The following SH3GL2 variants were observed in gnomAD, a reference collection of about 807,000 sequenced individuals.
SH3GL2 encodes the protein endophilin-A1.
SH3GL2 carries 24 observed loss-of-function variants against 46.0 expected under a neutral mutation model. The ratio of observed to expected loss-of-function variants is 0.52; its 90% CI spans 0.38 to 0.73. SH3GL2 has a LOEUF of 0.73. Among genes scored for constraint, SH3GL2 ranks in the 30% least tolerant of loss-of-function variants. SH3GL2 has a pLI of 0.00. For synonymous variants in SH3GL2, 196 were observed against 147.1 expected, an observed-to-expected ratio of 1.33 and a Z score of -2.40; for missense variants, 413 against 424.2, an observed-to-expected ratio of 0.97 and a Z score of 0.23.
intron 3 of SH3GL2, among the ~76,000 whole-genome samples, chr9:17,786,150 A>T (rs939012144): frequency 6.6e-6 from 1 of 152,140 alleles, no homozygotes; most frequent in Non-Finnish European, 1.5e-5. Flanking sequence ...TTCATCCAGA[A>T]CAGAATTGCT....
At chr9:17,682,061 A>G (rs1305194206) in intron 1 of SH3GL2, among the ~76,000 whole-genome samples, 2 of 152,170 alleles carry the variant, frequency 1.3e-5, no homozygotes, top group Non-Finnish European at 2.9e-5. Context: ...AAGTCAAGAA[A>G]CAATAGATGT....
At chr9:17,636,734 C>A (rs1196559943) in intron 1 of SH3GL2, among the ~76,000 whole-genome samples, 1 of 152,130 alleles carries the variant, frequency 6.6e-6, no homozygotes, top group Non-Finnish European at 1.5e-5. Flanking sequence ...TAATTCAAAT[C>A]TTGTTACTCT....
At chr9:17,690,000 GAATT>G (rs1345030350) in intron 1 of SH3GL2, among the ~76,000 whole-genome samples, 1 of 152,094 alleles carries the variant, frequency 6.6e-6, no homozygotes, top group Non-Finnish European at 1.5e-5. Context: ...GTGAATGAAA[GAATT>G]CTCAAATTGT....
intron 3 of SH3GL2, among the ~76,000 whole-genome samples, chr9:17,777,006 G>A (rs7032090): frequency 0.82 from 125,250 of 152,162 alleles, 51,830 homozygotes; most frequent in East Asian, 0.9. Flanking sequence ...GGAGGAAGCA[G>A]ATGCTCTGTA....
intron 1 of SH3GL2, among the ~76,000 whole-genome samples, chr9:17,701,528 A>G (rs183366504): frequency 1.3e-5 from 2 of 152,096 alleles, no homozygotes; most frequent in Non-Finnish European, 2.9e-5. Flanking sequence ...TAAAATAATT[A>G]CCGTCATTCG....
chr9:17,750,495 G>C (rs892332264), intron 2 of SH3GL2, among the ~76,000 whole-genome samples: 4 of 152,086 alleles, frequency 2.6e-5, no homozygotes, highest in African/African-American at 9.7e-5. Flanking sequence ...TCCCTGAGCT[G>C]ATTGGATAGA....
intron 1 of SH3GL2, among the ~76,000 whole-genome samples, chr9:17,737,912 T>C (rs951091252): frequency 1.3e-5 from 2 of 152,100 alleles, no homozygotes; most frequent in African/African-American, 4.8e-5. Flanking sequence ...CCTAATCCCA[T>C]GTCTGTTCAT....
At chr9:17,591,156 C>G (rs1421527931) in intron 1 of SH3GL2, 3 of 152,122 alleles carry the variant, frequency 2.0e-5, no homozygotes, top group Admixed American at 6.5e-5. Flanking sequence ...AAAAAAATCA[C>G]CTTACATAAA....
intron 3 of SH3GL2, among the ~76,000 whole-genome samples, chr9:17,762,616 A>G (rs748182787): frequency 6.6e-6 from 1 of 152,234 alleles, no homozygotes; most frequent in Non-Finnish European, 1.5e-5. Flanking sequence ...CATAAAACAC[A>G]TTAGAAATGA....
At chr9:17,640,319 CATT>C (rs1347112258) in intron 1 of SH3GL2, among the ~76,000 whole-genome samples, 2 of 151,936 alleles carry the variant, frequency 1.3e-5, no homozygotes, top group South Asian at 2.1e-4. Flanking sequence ...TTTCAGTAGT[CATT>C]ATATGACTAG....
chr9:17,786,802 G>A (rs1483943575), intron 4 of SH3GL2, among the ~76,000 whole-genome samples: 3 of 151,012 alleles, frequency 2.0e-5, no homozygotes, highest in African/African-American at 7.3e-5. Context: ...ACTTTCTATT[G>A]GGTGTTTCTG....
At chr9:17,642,144 G>A (rs928667961) in intron 1 of SH3GL2, among the ~76,000 whole-genome samples, 2 of 152,164 alleles carry the variant, frequency 1.3e-5, no homozygotes, top group African/African-American at 4.8e-5. Flanking sequence ...TTTATTGGCT[G>A]CATAAATGGC....
intron 1 of SH3GL2, among the ~76,000 whole-genome samples, chr9:17,685,852 C>T (rs1326059404): frequency 6.6e-6 from 1 of 151,954 alleles, no homozygotes; most frequent in East Asian, 1.9e-4. Context: ...TTACTGTAGC[C>T]TTGTAGTATA....
At chr9:17,621,770 A>C (rs1044434465) in intron 1 of SH3GL2, among the ~76,000 whole-genome samples, 2 of 152,196 alleles carry the variant, frequency 1.3e-5, no homozygotes, top group Non-Finnish European at 2.9e-5. Context: ...TAAAGCCATT[A>C]CATGGATCAC....
chr9:17,750,536 C>G (rs963005951), intron 2 of SH3GL2, among the ~76,000 whole-genome samples: 7 of 152,050 alleles, frequency 4.6e-5, no homozygotes, highest in Non-Finnish European at 8.8e-5. Context: ...CTGTAGGATC[C>G]CTGCCCATCA....
intron 1 of SH3GL2, among the ~76,000 whole-genome samples, chr9:17,607,456 GGTGA>G (rs1477659415): frequency 6.6e-6 from 1 of 152,176 alleles, no homozygotes; most frequent in African/African-American, 2.4e-5. Flanking sequence ...TGGGTGAATT[GGTGA>G]GTGAGTGGTG....
At chr9:17,778,020 G>C (rs1823693611) in intron 3 of SH3GL2, among the ~76,000 whole-genome samples, 1 of 151,748 alleles carries the variant, frequency 6.6e-6, no homozygotes. Context: ...ATGACAATCT[G>C]GGAGTGCCAT....
chr9:17,737,836 A>G (rs1298718880), intron 1 of SH3GL2, among the ~76,000 whole-genome samples: 2 of 151,994 alleles, frequency 1.3e-5, no homozygotes, highest in African/African-American at 4.8e-5. Flanking sequence ...TCTCCTGTGC[A>G]TATGCCACAT....
rs531594816 is a variant in SH3GL2 at position 17,772,383 on chromosome 9, C to T, written c.187+10874C>T. The stretch of plus-strand genomic sequence containing the variant: ...ATTATCTTAACTATTTTTAAGTATA[C>T]ATTTCACTGGTATTAAATACATTCA... On this transcript the variant is annotated intron_variant, in intron 3 of 8. Coordinates refer to ENST00000380607, the MANE Select transcript of SH3GL2 (RefSeq NM_003026.5). 3.9e-5 allele frequency among the ~76,000 whole-genome samples: 6 copies of T among 152,256 alleles called. 1 individual carries two copies. The highest frequency in any genetic ancestry group is 1.4e-4 in the African/African-American group (6 of 41,546).
Sources: allele counts gnomAD v4.1 joint callset (sites outside exome capture counted in the v4.1 genomes callset), GRCh38; gene constraint gnomAD v4.1.1; transcripts MANE v1.5; gene names NCBI Gene and HGNC (gene_info 2026-07-23, HGNC 2026-07-21).